The following CMIP variants were observed in gnomAD, a reference collection of about 807,000 sequenced individuals.
The protein encoded by CMIP is C-Maf-inducing protein.
CMIP carries 13 observed loss-of-function variants against 97.3 expected under a neutral mutation model. The ratio of observed to expected loss-of-function variants is 0.13; its 90% confidence interval spans 0.09 to 0.21. The LOEUF is 0.21. CMIP is among the 10% of genes least tolerant of loss of function. The pLI, the probability that CMIP is intolerant of heterozygous loss-of-function variation, is 1.00. For missense variants in CMIP, 847 were observed against 1,024.9 expected (o/e 0.83, Z 2.37); for synonymous variants, 538 against 436.3 (o/e 1.23, Z -2.91).
chr16:81,476,302 G>T (rs1455116417), intron 1 of CMIP: 4 of 1,552,314 alleles, frequency 2.6e-6, no homozygotes, highest in Non-Finnish European at 3.6e-6. Context: ...CTTGCCACCA[G>T]TGCCATTACG....
intron 7 of CMIP, among the ~76,000 whole-genome samples, chr16:81,667,702 G>A (rs1400637225): frequency 2.1e-5 from 3 of 141,704 alleles, no homozygotes; most frequent in East Asian, 2.5e-4. Flanking sequence ...CCCAAAGCCA[G>A]ATTAAATACT....
intron 7 of CMIP, among the ~76,000 whole-genome samples, chr16:81,669,749 C>G (rs1007801030): frequency 1.3e-5 from 2 of 149,542 alleles, no homozygotes; most frequent in African/African-American, 2.5e-5. Flanking sequence ...ACACCCACCT[C>G]TCTTCTCCTT....
rs979642842 is a variant in CMIP, at chr16:81,621,695, A to G, written c.477+769A>G. 6.5e-6 allele frequency: 1 copy of G among 152,702 alleles called. No homozygotes were observed. Among genetic ancestry groups the G allele is most frequent in the Non-Finnish European group, 1.5e-5 (1 of 68,114 alleles). 9.5% of individuals were successfully genotyped at this position (152,702 alleles called of 1,614,324 possible). A position where few individuals can be genotyped will look rare whatever the true frequency, so the allele number is the denominator to read the frequency against. ...ATGGCTGGAATGACCAGTGTGTCAT[A>G]AGCTGTCATCCTTACAGTAAGCTGG... is the stretch of plus-strand genomic sequence containing the variant. On this transcript the variant is annotated intron_variant, in intron 3 of 20. Coordinates refer to ENST00000537098, the MANE Select transcript of CMIP (RefSeq NM_198390.3). The surrounding 1 kb of genome is among the most constrained non-coding windows in gnomAD (Gnocchi z 4.1).
chr16:81,543,049 G>A (rs1031369851), intron 1 of CMIP, among the ~76,000 whole-genome samples: 2 of 152,186 alleles, frequency 1.3e-5, no homozygotes, highest in East Asian at 3.9e-4. Context: ...CGGGGTGCTG[G>A]TCTGAGCCCT....
At chr16:81,675,644 C>T (rs748616007) in intron 9 of CMIP, among the ~76,000 whole-genome samples, 4 of 152,182 alleles carry the variant, frequency 2.6e-5, no homozygotes, top group Non-Finnish European at 4.4e-5. Flanking sequence ...AAACAAACTC[C>T]ACAAGTCATT....
chr16:81,636,685 G>C (rs557730583), intron 3 of CMIP, among the ~76,000 whole-genome samples: 10 of 151,974 alleles, frequency 6.6e-5, no homozygotes, highest in African/African-American at 2.2e-4. Context: ...TCTTTGGAGA[G>C]TTTTTTCCTT....
intron 1 of CMIP, among the ~76,000 whole-genome samples, chr16:81,463,460 C>A (rs1907010184): frequency 6.6e-6 from 1 of 152,216 alleles, no homozygotes; most frequent in Non-Finnish European, 1.5e-5. Context: ...ATTACTCCCA[C>A]TACGTTTGGC....
At chr16:81,695,239 C>T (rs184384770) in intron 13 of CMIP, among the ~76,000 whole-genome samples, 6 of 152,330 alleles carry the variant, frequency 3.9e-5, no homozygotes, top group Admixed American at 1.3e-4. Context: ...CTCCCTTTTC[C>T]TCCTCACTCT....
At chr16:81,594,292 A>AT (rs1411051881) in intron 1 of CMIP, among the ~76,000 whole-genome samples, 1 of 149,018 alleles carries the variant, frequency 6.7e-6, no homozygotes, top group Non-Finnish European at 1.5e-5. Flanking sequence ...TAATTGTTGT[A>AT]TTTTTTTGTA....
intron 1 of CMIP, among the ~76,000 whole-genome samples, chr16:81,567,996 C>G (rs549907276): frequency 6.8e-6 from 1 of 147,450 alleles, no homozygotes; most frequent in Admixed American, 6.8e-5. Context: ...ATGCTGGGAA[C>G]TGTAGACTGG....
intron 1 of CMIP, among the ~76,000 whole-genome samples, chr16:81,577,212 C>A (rs921725266): frequency 6.9e-6 from 1 of 144,436 alleles, no homozygotes; most frequent in Admixed American, 6.8e-5. Flanking sequence ...ATAACCATCA[C>A]CTTTATCACC....
intron 1 of CMIP, among the ~76,000 whole-genome samples, chr16:81,531,826 C>A (rs1005679628): frequency 2.0e-5 from 3 of 152,204 alleles, no homozygotes; most frequent in Non-Finnish European, 4.4e-5. Context: ...GACTAAGAAA[C>A]ATTCATTTCT....
intron 10 of CMIP, among the ~76,000 whole-genome samples, chr16:81,681,617 G>T (rs181819548): frequency 6.6e-6 from 1 of 152,242 alleles, no homozygotes; most frequent in African/African-American, 2.4e-5. Flanking sequence ...CCATGTTCCC[G>T]CCGCTTGACC....
Position 81,657,835 on chromosome 16 carries a change from C to G in CMIP, c.681+19C>G. On this transcript the variant is annotated intron_variant, in intron 5 of 20. Coordinates refer to ENST00000537098, the MANE Select transcript of CMIP (RefSeq NM_198390.3). ...CATTGTGGTAAGTTCCTCTCGAACA[C>G]GCTCCCTCCACCCACCTCCGCCTCC... 1 of 1,595,614 alleles carries G rather than the reference C, an allele frequency of 6.3e-7. No homozygotes were observed. Among genetic ancestry groups the G allele is most frequent in the Non-Finnish European group, 8.5e-7 (1 of 1,170,240 alleles).
intron 14 of CMIP, among the ~76,000 whole-genome samples, 166 bp from the exon 15 acceptor site, chr16:81,699,519 G>C (rs568531944): frequency 2.0e-5 from 3 of 152,258 alleles, no homozygotes; most frequent in African/African-American, 7.2e-5. Flanking sequence ...GTGCCAGGGA[G>C]GGGTTTCTTG....
At chr16:81,544,181 G>A (rs1392041125) in intron 1 of CMIP, among the ~76,000 whole-genome samples, 1 of 152,262 alleles carries the variant, frequency 6.6e-6, no homozygotes, top group African/African-American at 2.4e-5. Flanking sequence ...TGCACCTAGT[G>A]CACAGTGAGT....
At chr16:81,476,021 C>A in intron 1 of CMIP, 37 of 605,072 alleles carry the variant, frequency 6.1e-5, no homozygotes, top group Middle Eastern at 5.1e-4. Flanking sequence ...ATAAGTCAAA[C>A]TTTATTCAAG....
intron 1 of CMIP, among the ~76,000 whole-genome samples, chr16:81,548,963 G>A (rs2090602564): frequency 2.0e-5 from 3 of 152,220 alleles, no homozygotes; most frequent in Admixed American, 1.3e-4. Context: ...TTTCACACAC[G>A]AGGATTGACT....
chr16:81,494,408 G>A (rs1189524944), intron 1 of CMIP, among the ~76,000 whole-genome samples: 1 of 152,228 alleles, frequency 6.6e-6, no homozygotes, highest in Admixed American at 6.5e-5. Context: ...AAGAAGGCAC[G>A]TGGCTGTGCT....
Sources: gnomAD v4.1 joint callset for allele counts (sites outside exome capture counted in the v4.1 genomes callset) on GRCh38, gnomAD v4.1.1 for gene constraint, Gnocchi (gnomAD v3.1) non-coding constraint, MANE v1.5 for transcripts, NCBI Gene and HGNC (gene_info 2026-07-23, HGNC 2026-07-21) for gene names.